Variants in RPL23A observed in about 807,000 individuals in gnomAD.
The protein encoded by RPL23A is large ribosomal subunit protein uL23.
A neutral mutation model predicts 17.6 loss-of-function variants in RPL23A; 2 were observed. The ratio of observed to expected loss-of-function variants is 0.11; its 90% CI spans 0.05 to 0.36. The LOEUF is 0.36. RPL23A is among the 10% of genes least tolerant of loss of function. The probability of loss-of-function intolerance (pLI) is 1.00; values close to 1 mark genes in which losing one functional copy is unlikely to be tolerated. For synonymous variants in RPL23A, 65 were observed against 74.3 expected (o/e 0.87, Z 0.65); for missense variants, 132 against 194.4 (o/e 0.68, Z 1.91).
In RPL23A at chr17:28,720,384, G is replaced by A. The variant is rs889163776; in HGVS notation, c.26-323G>A. 5 of 1,573,210 alleles carry A rather than the reference G, an allele frequency of 3.2e-6. No homozygotes were observed. The South Asian group carries it at 4.6e-5, about 14-fold the overall frequency. ...TTTTCCTTCTGGTTCATGTTCAACC[G>A]GGCTACATTACCCGCCCCTCTCTCC... On this transcript the variant is annotated intron_variant, in intron 1 of 4. Transcript: ENST00000422514.
chr17:28,722,407 G>C, intron 2 of RPL23A: 1 of 447,576 alleles, frequency 2.2e-6, no homozygotes, highest in East Asian at 5.2e-5. Context: ...ACGATCTCTT[G>C]ACCTCGTGAT....
At chr17:28,720,290 A>G (rs759642555) in intron 1 of RPL23A, 11 of 1,549,406 alleles carry the variant, frequency 7.1e-6, no homozygotes, top group Non-Finnish European at 8.7e-6. Context: ...CTGGGAAGCT[A>G]CATGCATCCA....
In RPL23A at chr17:28,723,424, C is replaced by T. The variant is rs559867907; in HGVS notation, c.387-147C>T. On this transcript the variant is annotated intron_variant, in intron 3 of 4. Coordinates refer to ENST00000422514, the MANE Select transcript of RPL23A (RefSeq NM_000984.6). ...AATTGGCTTTGTGGCTTCATGGTGT[C>T]CTCTGGGCTAATGATGGAAAAATCA... 1.4e-5 allele frequency: 11 copies of T among 783,078 alleles called. No homozygotes were observed. The African/African-American group carries it at 1.5e-4, about 11-fold the overall frequency. 48.5% of individuals were successfully genotyped at this position (783,078 alleles called of 1,614,324 possible).
intron 1 of RPL23A, 86 bp from the exon 2 acceptor site, chr17:28,720,621 G>C (rs2034097971): frequency 2.1e-6 from 3 of 1,449,576 alleles, no homozygotes; most frequent in Middle Eastern, 1.7e-4. Flanking sequence ...ATGCACCTGT[G>C]GCCAGGGTGG....
rs187794123 is a variant in RPL23A, at chr17:28,722,633, T to C, written c.210-90T>C. 788 of 1,039,234 alleles carry C rather than the reference T, an allele frequency of 7.6e-4. 9 individuals carry two copies. In the Middle Eastern group the frequency reaches 8.9e-3, roughly 12 times the overall value. 64.4% of individuals were successfully genotyped at this position (1,039,234 alleles called of 1,614,324 possible). A position where few individuals can be genotyped will look rare whatever the true frequency, so the allele number is the denominator to read the frequency against. On this transcript the variant is annotated intron_variant, in intron 2 of 4. Transcript: ENST00000422514. Reference sequence around the variant, plus strand: ...ACCAAAGTCTGAACAAAGTGATTGGTACCTCGTTGTCTGATGCACCTAGGC... The same window carrying C: ...ACCAAAGTCTGAACAAAGTGATTGGCACCTCGTTGTCTGATGCACCTAGGC...
At chr17:28,723,261 G>A in intron 3 of RPL23A, 1 of 558,874 alleles carries the variant, frequency 1.8e-6, no homozygotes, top group Non-Finnish European at 3.2e-6. Flanking sequence ...GTGGACCTGA[G>A]GCTTTCTAGG....
rs1372871832 is a variant in RPL23A at position 28,724,131 on chromosome 17, C to T, written c.*250C>T. 4 of 508,958 alleles carry T rather than the reference C, an allele frequency of 7.9e-6. No homozygotes were observed. Among genetic ancestry groups the T allele is most frequent in the Non-Finnish European group, 1.4e-5 (4 of 294,240 alleles). 31.5% of individuals were successfully genotyped at this position (508,958 alleles called of 1,614,324 possible). Reference sequence around the variant, plus strand: ...AGGAAAACCAGAACTCAGAACTTGCCTCCATGGTTGAGTAACAAGCTGTAC... The same window carrying T: ...AGGAAAACCAGAACTCAGAACTTGCTTCCATGGTTGAGTAACAAGCTGTAC... On this transcript the variant is annotated 3_prime_UTR_variant, in exon 5 of 5. Transcript: ENST00000422514.
Position 28,720,036 on chromosome 17 carries a change from T to A in RPL23A, c.25+6T>A. 6.4e-7 allele frequency: 1 copy of A among 1,551,586 alleles called. No individual in the cohort carries two copies. Among genetic ancestry groups the A allele is most frequent in the Non-Finnish European group, 8.7e-7 (1 of 1,147,024 alleles). ...GCCGAAAGCGAAGAAGGAAGGTGTG[T>A]GTTGGTGATGGGGCCGCAGCTGGTT... is the stretch of plus-strand genomic sequence containing the variant. On this transcript the variant is annotated splice_donor_region_variant and intron_variant, in intron 1 of 4. Transcript: ENST00000422514.
intron 3 of RPL23A, 115 bp downstream of exon 3, chr17:28,723,014 A>C: frequency 1.3e-6 from 1 of 758,782 alleles, no homozygotes; most frequent in Non-Finnish European, 2.3e-6. Flanking sequence ...GCAGGACTAC[A>C]CGTGTAGTCC....
intron 3 of RPL23A, 186 bp from the exon 4 acceptor site, chr17:28,723,385 G>C: frequency 1.3e-6 from 1 of 765,016 alleles, no homozygotes; most frequent in Non-Finnish European, 2.4e-6. Context: ...GGCCTGTGGT[G>C]TTTCCCATAA....
intron 2 of RPL23A, 70 bp downstream of exon 2, chr17:28,720,960 C>T: frequency 7.4e-7 from 1 of 1,352,804 alleles, no homozygotes; most frequent in Non-Finnish European, 1.0e-6. Context: ...AATTCACTCA[C>T]TCTGCGTGAT....
At chr17:28,723,728 AT>A (rs1275498130) in intron 4 of RPL23A, 88 bp downstream of exon 4, 14 of 1,374,802 alleles carry the variant, frequency 1.0e-5, no homozygotes, top group Non-Finnish European at 1.4e-5. Flanking sequence ...ATCTTTGCTG[AT>A]TAGTCATAAT....
At chr17:28,720,587 G>C (rs776800496) in intron 1 of RPL23A, 120 bp from the exon 2 acceptor site, 1 of 1,381,060 alleles carries the variant, frequency 7.2e-7, no homozygotes, top group South Asian at 1.2e-5. Context: ...CCTGACACTT[G>C]TGATGTCTTC....
intron 2 of RPL23A, chr17:28,721,596 C>T (rs1178896098): frequency 6.6e-6 from 1 of 152,132 alleles, no homozygotes; most frequent in East Asian, 1.9e-4. Context: ...TGTATAGAAG[C>T]TTCTTTCCAT....
chr17:28,720,019 C>A lies in RPL23A; in HGVS notation c.14C>A (p.Ala5Glu), dbSNP rs1336861223. MAPKAKKEAPAPPKA... is the reference protein window; with the variant it reads MAPKEKKEAPAPPKA... ...CCTTTTCACAAGATGGCGCCGAAAG[C>A]GAAGAAGGAAGGTGTGTGTTGGTGA... is the stretch of plus-strand genomic sequence containing the variant. Residue 5 changes from alanine to glutamate, a missense_variant, in exon 1 of 5, where the codon GCG becomes GAG. Physicochemically the swap from Ala to Glu is moderately radical, Grantham distance 107. This residue lies in a region of RPL23A where 63 missense variants were observed against 48.9 expected (regional missense o/e 1.29). Coordinates refer to ENST00000422514, the MANE Select transcript of RPL23A (RefSeq NM_000984.6). 1 of 1,551,930 alleles carries A rather than the reference C, an allele frequency of 6.4e-7. No homozygotes were observed. Among genetic ancestry groups the A allele is most frequent in the Non-Finnish European group, 8.7e-7 (1 of 1,147,108 alleles).
chr17:28,720,117 A>G, intron 1 of RPL23A, 87 bp downstream of exon 1: 10 of 1,535,300 alleles, frequency 6.5e-6, no homozygotes, highest in Non-Finnish European at 8.8e-6. Context: ...CTGCTGGGCT[A>G]AGCCCTGAGG....
intron 2 of RPL23A, chr17:28,722,516 T>C (rs966017531): frequency 4.1e-6 from 3 of 724,320 alleles, no homozygotes; most frequent in Admixed American, 3.5e-5. Context: ...GTAAGAGCCC[T>C]TCAAGAGAAA....
In RPL23A at chr17:28,720,525, G is replaced by A. The variant is rs181681889; in HGVS notation, c.26-182G>A. 6.9e-4 allele frequency: 1,031 copies of A among 1,503,146 alleles called. 5 individuals carry two copies. The African/African-American group carries it at 0.012, about 18-fold the overall frequency. The allele number at this position is 1,503,146 out of a possible 1,614,324, so 93.1% of individuals were successfully genotyped here. On this transcript the variant is annotated intron_variant, in intron 1 of 4. Coordinates refer to ENST00000422514, the MANE Select transcript of RPL23A (RefSeq NM_000984.6). ...AGTCGTATCCCTGGAGTTACTTAGA[G>A]TTGGTCGCTTTCGCCTCTGGTATCG...
Position 28,723,036 on chromosome 17 carries a change from G to A in RPL23A, c.386+137G>A, listed in dbSNP as rs529874087. 307 of 679,130 alleles carry A rather than the reference G, an allele frequency of 4.5e-4. 3 individuals carry two copies. Among genetic ancestry groups the A allele is most frequent in the South Asian group, 6.8e-4 (38 of 55,596 alleles). The allele number at this position is 679,130 out of a possible 1,614,324, so 42.1% of individuals were successfully genotyped here. A position where few individuals can be genotyped will look rare whatever the true frequency, so the allele number is the denominator to read the frequency against. ...TACACGTGTAGTCCGAGCTATGCAGGAGGATCTCTTGAGGCCAGGAATCAC... is the reference window on the plus strand; with the variant it reads ...TACACGTGTAGTCCGAGCTATGCAGAAGGATCTCTTGAGGCCAGGAATCAC... On this transcript the variant is annotated intron_variant, in intron 3 of 4. Coordinates refer to ENST00000422514, the MANE Select transcript of RPL23A (RefSeq NM_000984.6).
Sources: allele counts gnomAD v4.1 joint callset, GRCh38; gene constraint gnomAD v4.1.1; regional missense constraint gnomAD v4.1.1; transcripts MANE v1.5; gene names NCBI Gene and HGNC (gene_info 2026-07-23, HGNC 2026-07-21).